CDH2: variants seen among roughly 807,000 people sequenced by gnomAD.
CDH2 encodes cadherin 2.
A neutral mutation model predicts 92.0 loss-of-function variants in CDH2; 17 were observed. That is an observed-to-expected ratio of 0.18 (90% CI 0.13 to 0.28). The LOEUF is 0.28. CDH2 is among the 10% of genes least tolerant of loss of function. The pLI, the probability that CDH2 is intolerant of heterozygous loss-of-function variation, is 1.00. For synonymous variants in CDH2, 419 were observed against 415.9 expected, an observed-to-expected ratio of 1.01 and a Z score of -0.09; for missense variants, 862 against 1,133.1, an observed-to-expected ratio of 0.76 and a Z score of 3.44.
chr18:28,031,584 T>C (rs1281075708), intron 2 of CDH2, among the ~76,000 whole-genome samples: 1 of 152,092 alleles, frequency 6.6e-6, no homozygotes, highest in Non-Finnish European at 1.5e-5. Context: ...TACAGTTACA[T>C]ATGTTTTCTT....
intron 2 of CDH2, among the ~76,000 whole-genome samples, chr18:28,106,034 G>C (rs1397033585): frequency 6.6e-6 from 1 of 152,216 alleles, no homozygotes; most frequent in East Asian, 1.9e-4. Flanking sequence ...TTATTCACAA[G>C]TTCTCTGCTC....
At chr18:28,097,360 T>C (rs2015152951) in intron 2 of CDH2, 1 of 101,922 alleles carries the variant, frequency 9.8e-6, no homozygotes, top group Non-Finnish European at 2.0e-5. Context: ...CTATGGAGTT[T>C]TGTTCCTTTT....
At chr18:28,044,127 G>T (rs1253057177) in intron 2 of CDH2, among the ~76,000 whole-genome samples, 1 of 151,856 alleles carries the variant, frequency 6.6e-6, no homozygotes, top group Non-Finnish European at 1.5e-5. Flanking sequence ...TGGCCAGGCT[G>T]GTCTTTAACT....
At chr18:28,050,333 T>C (rs926315286) in intron 2 of CDH2, among the ~76,000 whole-genome samples, 4 of 152,190 alleles carry the variant, frequency 2.6e-5, no homozygotes, top group African/African-American at 9.7e-5. Context: ...CTTAGTATTA[T>C]ACAATTGGAC....
At chr18:28,142,281 G>A (rs2015966331) in intron 2 of CDH2, among the ~76,000 whole-genome samples, 1 of 151,936 alleles carries the variant, frequency 6.6e-6, no homozygotes, top group African/African-American at 2.4e-5. Flanking sequence ...TTCTAAGTTT[G>A]TGAGGGAAGA....
At chr18:28,031,464 A>G (rs933959831) in intron 2 of CDH2, among the ~76,000 whole-genome samples, 3 of 152,068 alleles carry the variant, frequency 2.0e-5, no homozygotes, top group African/African-American at 7.2e-5. Context: ...TGAAAAACAA[A>G]CTGGATCATG....
At chr18:27,947,206 A>ACT (rs1421160125), downstream of CDH2, among the ~76,000 whole-genome samples, 1 of 151,836 alleles carries the variant, frequency 6.6e-6, no homozygotes, top group Non-Finnish European at 1.5e-5. Context: ...ATAAGACAGT[A>ACT]ACAGGAGAAA....
chr18:28,092,676 C>G (rs1311218853), intron 2 of CDH2, among the ~76,000 whole-genome samples: 1 of 151,840 alleles, frequency 6.6e-6, no homozygotes, highest in Non-Finnish European at 1.5e-5. Flanking sequence ...TTTGAAGAAA[C>G]CACAGCAAGA....
At chr18:27,933,148 A>G (rs912170626) in intron 6 of CDH2, among the ~76,000 whole-genome samples, 1 of 152,156 alleles carries the variant, frequency 6.6e-6, no homozygotes, top group Non-Finnish European at 1.5e-5. Flanking sequence ...ATGAAAAGCC[A>G]GCATCTCAAG....
chr18:28,170,923 CA>C (rs55875974), intron 1 of CDH2, among the ~76,000 whole-genome samples: 167 of 137,194 alleles, frequency 1.2e-3, no homozygotes, highest in Middle Eastern at 3.8e-3. Context: ...ATACCTGTAC[CA>C]AAAAAAAAAA....
chr18:27,952,442 C>T (rs926970989), intron 15 of CDH2, 83 bp from the exon 16 acceptor site: 29 of 1,021,620 alleles, frequency 2.8e-5, no homozygotes, highest in Middle Eastern at 2.1e-4. Context: ...AATGAATTCA[C>T]GGGATCAAAC....
At chr18:27,947,059 C>T (rs531837733), downstream of CDH2, among the ~76,000 whole-genome samples, 19 of 151,462 alleles carry the variant, frequency 1.3e-4, no homozygotes, top group African/African-American at 4.4e-4. Flanking sequence ...ATGATCACTG[C>T]TACTAATGGT....
chr18:28,171,998 G>C (rs1390095485), intron 1 of CDH2, among the ~76,000 whole-genome samples: 1 of 151,924 alleles, frequency 6.6e-6, no homozygotes, highest in African/African-American at 2.4e-5. Context: ...ATCAATTATT[G>C]ATTGACACTT....
intron 2 of CDH2, among the ~76,000 whole-genome samples, chr18:28,034,831 C>G (rs1233381387): frequency 6.6e-6 from 1 of 152,016 alleles, no homozygotes; most frequent in African/African-American, 2.4e-5. Context: ...CCTTGAAGTT[C>G]AAACAATACT....
chr18:28,144,676 C>T (rs749277523), intron 2 of CDH2, among the ~76,000 whole-genome samples: 29 of 152,128 alleles, frequency 1.9e-4, no homozygotes, highest in Admixed American at 1.0e-3. Flanking sequence ...CACAGTTAAG[C>T]AGAATCTGGT....
chr18:27,944,969 T>C (rs1379610705), intron 6 of CDH2, among the ~76,000 whole-genome samples: 1 of 152,104 alleles, frequency 6.6e-6, no homozygotes, highest in Non-Finnish European at 1.5e-5. Flanking sequence ...AATCATAAAA[T>C]ATATATTCTC....
At chr18:28,175,639 C>G (rs891322599) in intron 1 of CDH2, among the ~76,000 whole-genome samples, 3 of 152,098 alleles carry the variant, frequency 2.0e-5, no homozygotes, top group Non-Finnish European at 4.4e-5. Flanking sequence ...CCCGGCGGGC[C>G]GGAGCGCGCC....
chr18:27,944,079 A>T (rs191949710), intron 6 of CDH2, among the ~76,000 whole-genome samples: 7 of 152,354 alleles, frequency 4.6e-5, no homozygotes, highest in Admixed American at 3.3e-4. Flanking sequence ...GCGATTTAAA[A>T]TGAAAATAAA....
intron 14 of CDH2, among the ~76,000 whole-genome samples, chr18:27,967,742 A>T (rs1598995644): frequency 6.6e-6 from 1 of 151,680 alleles, no homozygotes; most frequent in Admixed American, 6.6e-5. Context: ...AGTAACTTAA[A>T]TTTTTTTTTG....
Sources: allele counts gnomAD v4.1 joint callset (sites outside exome capture counted in the v4.1 genomes callset), GRCh38; gene constraint gnomAD v4.1.1; transcripts MANE v1.5; gene names NCBI Gene and HGNC (gene_info 2026-07-23, HGNC 2026-07-21).